ZNF138: variants seen among roughly 807,000 people sequenced by gnomAD.
ZNF138 encodes the protein zinc finger protein 138, also known as zinc finger protein 138 (clone pHZ-32).
A neutral mutation model predicts 33.0 loss-of-function variants in ZNF138; 33 were observed. The observed-to-expected ratio is 1.00, with a 90% CI of 0.76 to 1.34. The LOEUF is 1.34. ZNF138 is among the 40% of genes most tolerant of loss of function. ZNF138 has a pLI of 0.00. For missense variants in ZNF138, 360 were observed against 370.8 expected, an observed-to-expected ratio of 0.97 and a Z score of 0.24; for synonymous variants, 139 against 120.4, an observed-to-expected ratio of 1.15 and a Z score of -1.01.
chr7:64,852,223 A>G, the ZNF138 span, among the ~76,000 whole-genome samples: 2 of 152,184 alleles, frequency 1.3e-5, no homozygotes, highest in Admixed American at 6.5e-5. Flanking sequence ...ATGTGACAGG[A>G]AAAAAAGGCA....
intron 3 of ZNF138, among the ~76,000 whole-genome samples, chr7:64,823,722 G>A (rs1049134153): frequency 1.2e-4 from 19 of 152,108 alleles, no homozygotes; most frequent in Admixed American, 4.6e-4. Flanking sequence ...GGTGGATCAC[G>A]AGGTCAGGAG....
chr7:64,830,480 T>C (rs1391815240), intron 3 of ZNF138, among the ~76,000 whole-genome samples: 1 of 152,114 alleles, frequency 6.6e-6, no homozygotes, highest in African/African-American at 2.4e-5. Flanking sequence ...TGCATCTTTT[T>C]TTGTTTTGTT....
At chr7:64,843,404 T>C in the ZNF138 span, among the ~76,000 whole-genome samples, 1 of 152,326 alleles carries the variant, frequency 6.6e-6, no homozygotes, top group Non-Finnish European at 1.5e-5. Context: ...ATGACTGTCC[T>C]CATTCACATT....
chr7:64,794,944 C>G (rs918373816), intron 1 of ZNF138, among the ~76,000 whole-genome samples: 7 of 152,062 alleles, frequency 4.6e-5, no homozygotes, highest in African/African-American at 1.7e-4. Flanking sequence ...CCCTCTTTTC[C>G]CCTATTAAAA....
At chr7:64,840,723 T>TA in the ZNF138 span, among the ~76,000 whole-genome samples, 92,564 of 151,750 alleles carry the variant, frequency 0.61, 28,552 homozygotes, top group East Asian at 0.7. Flanking sequence ...CTTAAACATT[T>TA]AAAAAAATTT....
the ZNF138 span, chr7:64,853,438 C>T: frequency 2.8e-3 from 1,958 of 702,314 alleles, 31 homozygotes; most frequent in African/African-American, 0.032. Flanking sequence ...TCCACCGGCT[C>T]GCTTTGCGCC....
At chr7:64,848,173 GTCCCAATCTTTT>G in the ZNF138 span, among the ~76,000 whole-genome samples, 1 of 151,358 alleles carries the variant, frequency 6.6e-6, no homozygotes, top group Non-Finnish European at 1.5e-5. Context: ...AGAGACTAAT[GTCCCAATCTTTT>G]CTAGCTTGTA....
intron 1 of ZNF138, among the ~76,000 whole-genome samples, chr7:64,810,092 G>A (rs1788021048): frequency 1.4e-5 from 1 of 73,382 alleles, no homozygotes. Context: ...GGCACTTTGG[G>A]AGGCCAAGGC....
chr7:64,850,669 T>A, the ZNF138 span, among the ~76,000 whole-genome samples: 5 of 152,230 alleles, frequency 3.3e-5, no homozygotes, highest in Non-Finnish European at 5.9e-5. Context: ...ATGACATGAA[T>A]ACAGTTTCTT....
At chr7:64,827,950 A>G (rs1789774556) in intron 3 of ZNF138, among the ~76,000 whole-genome samples, 3 of 152,162 alleles carry the variant, frequency 2.0e-5, no homozygotes, top group African/African-American at 7.2e-5. Flanking sequence ...TATGAACCAT[A>G]TGTCTACTGC....
At chr7:64,818,712 T>C (rs967919797) in intron 3 of ZNF138, among the ~76,000 whole-genome samples, 1 of 137,852 alleles carries the variant, frequency 7.3e-6, no homozygotes, top group Non-Finnish European at 1.6e-5. Flanking sequence ...ATCATGCCTC[T>C]GCACTTTAGC....
rs1790083068 is a variant in ZNF138 at position 64,831,576 on chromosome 7, A to T, written c.334A>T (p.Lys112Ter). ...HKNLQLRKGCKSVDECKGHQG... is the reference protein window; with the variant it reads ...HKNLQLRKGC ...GAATTTACAGTTAAGAAAAGGCTGT[A>T]AAAGTGTGGATGAGTGTAAGGGACA... is the stretch of plus-strand genomic sequence containing the variant. Residue 112 changes from lysine to a stop codon, truncating the protein, a stop_gained, in exon 4 of 4, where the codon AAA becomes TAA. Transcript: ENST00000307355. LOFTEE classifies it high-confidence loss of function. 5 of 1,613,722 alleles carry T rather than the reference A, an allele frequency of 3.1e-6. No homozygotes were observed. In the African/African-American group the frequency reaches 4.0e-5, roughly 13 times the overall value.
chr7:64,798,340 C>T (rs921837864), intron 1 of ZNF138, among the ~76,000 whole-genome samples: 2 of 152,138 alleles, frequency 1.3e-5, no homozygotes, highest in African/African-American at 4.8e-5. Context: ...CTGAGTAGCT[C>T]AAAGTTCAGG....
At chr7:64,839,742 C>T in the ZNF138 span, among the ~76,000 whole-genome samples, 33 of 152,200 alleles carry the variant, frequency 2.2e-4, no homozygotes, top group African/African-American at 7.2e-4. Flanking sequence ...AGGCCTGATC[C>T]GACCAGGAGG....
chr7:64,843,602 T>G, the ZNF138 span, among the ~76,000 whole-genome samples: 1 of 152,194 alleles, frequency 6.6e-6, no homozygotes, highest in Non-Finnish European at 1.5e-5. Flanking sequence ...ATTTAAGCCT[T>G]TCATTCTTTT....
intron 3 of ZNF138, among the ~76,000 whole-genome samples, chr7:64,821,061 TTTTG>T (rs1311791869): frequency 0.011 from 1,675 of 148,886 alleles, 73 homozygotes; most frequent in African/African-American, 0.038. Flanking sequence ...TTTTTGGTTT[TTTTG>T]TTTTGTTTTG....
intron 1 of ZNF138, among the ~76,000 whole-genome samples, chr7:64,807,823 T>C (rs1203641086): frequency 2.0e-5 from 3 of 152,224 alleles, no homozygotes; most frequent in Non-Finnish European, 2.9e-5. Context: ...TAGAATCTGA[T>C]GGCAGAATCT....
chr7:64,831,412 T>C (rs748018902), intron 3 of ZNF138, 39 bp from the exon 4 acceptor site: 1 of 1,472,998 alleles, frequency 6.8e-7, no homozygotes, highest in Admixed American at 2.3e-5. Context: ...CATCTGAGTC[T>C]AGCAGGTGGA....
At position 64,832,049 on chromosome 7, in the gene ZNF138, T is replaced by A. The variant is rs1484159424; in HGVS notation, c.807T>A (p.His269Gln). ...AFKQSSHLTRHKIIHTEEKPY... is the reference protein window; with the variant it reads ...AFKQSSHLTRQKIIHTEEKPY... ...AACAGTCCTCACACCTTACTAGACATAAGATAATTCATACTGAAGAGAAAC... is the reference window on the plus strand; with the variant it reads ...AACAGTCCTCACACCTTACTAGACAAAAGATAATTCATACTGAAGAGAAAC... Residue 269 changes from histidine (H) to glutamine (Q), a missense_variant, in exon 4 of 4, where the codon CAT (histidine) becomes CAA (glutamine). Transcript: ENST00000307355. The A allele has an allele frequency of 4.3e-6, 7 of 1,613,808 alleles. No individual in the cohort carries two copies. The highest frequency in any genetic ancestry group is 5.9e-6 in the Non-Finnish European group (7 of 1,179,910).
Sources: allele counts gnomAD v4.1 joint callset (sites outside exome capture counted in the v4.1 genomes callset), GRCh38; gene constraint gnomAD v4.1.1; transcripts MANE v1.5; gene names NCBI Gene and HGNC (gene_info 2026-07-23, HGNC 2026-07-21).